Variants in DNAH1 observed in about 807,000 individuals in gnomAD.
DNAH1 encodes axonemal beta dynein heavy chain 1.
Under a neutral mutation model 484.3 loss-of-function variants are expected in DNAH1, and 327 were observed. That is an observed-to-expected ratio of 0.68 (90% CI 0.62 to 0.74). DNAH1 has a LOEUF of 0.74. Ranked by LOEUF, DNAH1 falls within the 30% of genes least tolerant of loss-of-function variation. The pLI is 0.00. For synonymous variants in DNAH1, 2,192 were observed against 2,191.9 expected, an observed-to-expected ratio of 1.00 and a Z score of 0.00; for missense variants, 5,052 against 5,546.8, an observed-to-expected ratio of 0.91 and a Z score of 2.83.
At chr3:52,378,568 G>T (rs765290263) in intron 46 of DNAH1, 34 bp from the exon 47 acceptor site, 40 of 1,609,132 alleles carry the variant, frequency 2.5e-5, no homozygotes, top group Non-Finnish European at 3.3e-5. Flanking sequence ...GGAGCTCCTG[G>T]CATGTGACCC....
chr3:52,359,479 C>T (rs1189520962), intron 26 of DNAH1, 93 bp downstream of exon 26: 1 of 1,488,574 alleles, frequency 6.7e-7, no homozygotes, highest in Non-Finnish European at 9.0e-7. Context: ...CTATAGTGAG[C>T]CTGGAAGAGG....
In DNAH1 at chr3:52,389,458, C is replaced by T. The variant is rs1704269698; in HGVS notation, c.9496-3C>T. 1 of 1,611,460 alleles carries T rather than the reference C, an allele frequency of 6.2e-7. No homozygotes were observed. Among genetic ancestry groups the T allele is most frequent in the Non-Finnish European group, 8.5e-7 (1 of 1,178,984 alleles). On this transcript the variant is annotated splice_polypyrimidine_tract_variant and splice_region_variant and intron_variant, in intron 59 of 77. Coordinates refer to ENST00000420323, the MANE Select transcript of DNAH1 (RefSeq NM_015512.5). ...GGTGGTCCTGAGTCTGGCATCTCCC[C>T]AGGGCCAGTACCGCACGGTGCTCTA...
At chr3:52,391,878 C>A (rs1453857381) in intron 63 of DNAH1, among the ~76,000 whole-genome samples, 1 of 152,234 alleles carries the variant, frequency 6.6e-6, no homozygotes, top group African/African-American at 2.4e-5. Flanking sequence ...CTCACCTCCT[C>A]CAGGGACCCC....
intron 8 of DNAH1, among the ~76,000 whole-genome samples, chr3:52,335,263 G>A (rs1323305881): frequency 1.5e-5 from 2 of 137,886 alleles, no homozygotes; most frequent in African/African-American, 2.8e-5. Flanking sequence ...CACCATGTTC[G>A]CCAGGATGGT....
intron 11 of DNAH1, 98 bp downstream of exon 11, chr3:52,346,868 C>T: frequency 7.5e-7 from 1 of 1,326,520 alleles, no homozygotes; most frequent in Non-Finnish European, 1.0e-6. Context: ...GGTGCCCATC[C>T]ATGCCAGGTC....
chr3:52,332,070 C>A (rs577232906), intron 7 of DNAH1, 72 bp from the exon 8 acceptor site: 1 of 1,501,774 alleles, frequency 6.7e-7, no homozygotes, highest in East Asian at 2.5e-5. Context: ...ACGGCACAGC[C>A]GGCCGGAACC....
intron 51 of DNAH1, 113 bp from the exon 52 acceptor site, chr3:52,383,739 GGCTGCTGT>G (rs1703968416): frequency 2.8e-6 from 4 of 1,414,936 alleles, no homozygotes; most frequent in Admixed American, 5.2e-5. Context: ...ATTGGGCCCA[GGCTGCTGT>G]GCTGCTGTGT....
At chr3:52,317,601 C>G (rs1207627049) in intron 1 of DNAH1, among the ~76,000 whole-genome samples, 1 of 152,210 alleles carries the variant, frequency 6.6e-6, no homozygotes, top group Non-Finnish European at 1.5e-5. Context: ...TTAGCTGTTT[C>G]GCTGCTTACT....
chr3:52,333,473 C>T (rs578102245), intron 8 of DNAH1, among the ~76,000 whole-genome samples: 5 of 151,046 alleles, frequency 3.3e-5, no homozygotes, highest in Admixed American at 6.6e-5. Context: ...CTGCAACCTC[C>T]GCCTCCCAGG....
intron 34 of DNAH1, 64 bp downstream of exon 34, chr3:52,365,083 G>T (rs1266765937): frequency 3.9e-6 from 6 of 1,554,032 alleles, no homozygotes; most frequent in Non-Finnish European, 5.2e-6. Flanking sequence ...GTCCAGGTCA[G>T]GGGGACAGAG....
At chr3:52,336,690 G>A (rs1051058166) in intron 8 of DNAH1, among the ~76,000 whole-genome samples, 1 of 152,194 alleles carries the variant, frequency 6.6e-6, no homozygotes, top group Admixed American at 6.5e-5. Context: ...TGAATAGGGA[G>A]TCCTTTCCCC....
At chr3:52,333,851 A>C (rs1701644823) in intron 8 of DNAH1, among the ~76,000 whole-genome samples, 1 of 152,184 alleles carries the variant, frequency 6.6e-6, no homozygotes, top group Non-Finnish European at 1.5e-5. Context: ...TGTGTTACAT[A>C]ATTTTGCCCA....
At chr3:52,350,912 G>A (rs757825152) in intron 16 of DNAH1, among the ~76,000 whole-genome samples, 3 of 152,186 alleles carry the variant, frequency 2.0e-5, no homozygotes, top group Non-Finnish European at 2.9e-5. Flanking sequence ...GCAGTGGCAC[G>A]ATCTCAGCTT....
intron 6 of DNAH1, among the ~76,000 whole-genome samples, chr3:52,330,326 A>G (rs907198453): frequency 1.3e-5 from 2 of 152,298 alleles, no homozygotes; most frequent in African/African-American, 2.4e-5. Flanking sequence ...GAGCTGATGC[A>G]TAAGTAGTGT....
rs2153225560 is a variant in DNAH1 at position 52,391,296 on chromosome 3, G to C, written c.9859G>C (p.Asp3287His). The C allele has an allele frequency of 2.5e-6, 4 of 1,612,394 alleles. No homozygotes were observed. The highest frequency in any genetic ancestry group is 3.4e-6 in the Non-Finnish European group (4 of 1,179,188). The part of the protein sequence containing the change: ...CLLENVGEEL[D>H]PALEPVLLKQ... ...CCTGGAGAACGTGGGCGAGGAGCTA[G>C]ACCCAGCCCTGGAGCCAGTGCTGCT... Residue 3287 changes from aspartate to histidine, a missense_variant, in exon 62 of 78, where the codon GAC becomes CAC. Asp to His is a moderately conservative substitution (Grantham distance 81). Transcript: ENST00000420323.
chr3:52,391,401 T>A, intron 62 of DNAH1, 42 bp from the exon 63 acceptor site: 1 of 1,593,756 alleles, frequency 6.3e-7, no homozygotes, highest in Admixed American at 1.8e-5. Flanking sequence ...GCCCCACTGG[T>A]GATGCTCAGG....
Position 52,391,055 on chromosome 3 carries a change from G to T in DNAH1, c.9741+1G>T. ...GGCCAACAAATGGATCAAGAACATG[G>T]TGAGCCCACCCACCAGGCACCACCA... On this transcript the variant is annotated splice_donor_variant, in intron 61 of 77. Transcript: ENST00000420323. LOFTEE classifies it high-confidence loss of function. 5 of 1,567,112 alleles carry T rather than the reference G, an allele frequency of 3.2e-6. No individual in the cohort carries two copies. The highest frequency in any genetic ancestry group is 4.3e-6 in the Non-Finnish European group (5 of 1,155,760).
chr3:52,385,069 C>A, intron 53 of DNAH1, 92 bp downstream of exon 53: 1 of 1,413,186 alleles, frequency 7.1e-7, no homozygotes, highest in Non-Finnish European at 9.5e-7. Context: ...CATGCTCCGC[C>A]TTTCAAACTG....
At chr3:52,360,776 T>TC (rs1702822511) in intron 28 of DNAH1, among the ~76,000 whole-genome samples, 1 of 152,224 alleles carries the variant, frequency 6.6e-6, no homozygotes, top group South Asian at 2.1e-4. Flanking sequence ...TCCTTTAATG[T>TC]GCCAGAGGAA....
Sources: gnomAD v4.1 joint callset for allele counts (sites outside exome capture counted in the v4.1 genomes callset) on GRCh38, gnomAD v4.1.1 for gene constraint, MANE v1.5 for transcripts, NCBI Gene and HGNC (gene_info 2026-07-23, HGNC 2026-07-21) for gene names.